COL4A4: variants seen among roughly 807,000 people sequenced by gnomAD.
The protein encoded by COL4A4 is collagen alpha-4(IV) chain.
Under a neutral mutation model 192.9 loss-of-function variants are expected in COL4A4, and 105 were observed. That is an observed-to-expected ratio of 0.54 (90% CI 0.46 to 0.64). The LOEUF (loss-of-function observed/expected upper bound fraction) is 0.64, where lower values mean the gene tolerates loss of function less well. Ranked by LOEUF, COL4A4 falls within the 30% of genes least tolerant of loss-of-function variation. The pLI is 0.00. For synonymous variants in COL4A4, 762 were observed against 769.9 expected (o/e 0.99, Z 0.17); for missense variants, 1,967 against 2,169.3 (o/e 0.91, Z 1.85).
At chr2:227,076,438 T>G (rs1375492659) in intron 25 of COL4A4, among the ~76,000 whole-genome samples, 2 of 152,188 alleles carry the variant, frequency 1.3e-5, no homozygotes, top group African/African-American at 2.4e-5. Flanking sequence ...GCTAGCCATA[T>G]GCAGAAAGCA....
intron 22 of COL4A4, among the ~76,000 whole-genome samples, chr2:227,083,354 A>G (rs2059421558): frequency 1.3e-5 from 2 of 152,198 alleles, no homozygotes. Context: ...TAATCAAAAA[A>G]CCACAGCAAA....
intron 1 of COL4A4, among the ~76,000 whole-genome samples, chr2:227,160,088 C>T (rs185091720): frequency 2.4e-4 from 37 of 152,150 alleles, no homozygotes; most frequent in Middle Eastern, 3.4e-3. Context: ...ATAGTAAATA[C>T]GAAGGTGTGA....
rs1961427736 is a variant in COL4A4, at chr2:227,003,347, A to C, written c.*3978T>G. 1 of 152,214 alleles carries C rather than the reference A, an allele frequency of 6.6e-6. No individual in the cohort carries two copies. The highest frequency in any genetic ancestry group is 2.4e-5 in the African/African-American group (1 of 41,452). The allele number at this position is 152,214 out of a possible 1,614,324, so 9.4% of individuals were successfully genotyped here. On this transcript the variant is annotated 3_prime_UTR_variant, in exon 48 of 48. Coordinates refer to ENST00000396625, the MANE Select transcript of COL4A4 (RefSeq NM_000092.5). ...AATTTTCAATGCAAGAGTAGCTGTT[A>C]TGTCCCACCGTATTAATGAGGGAAA...
Position 227,108,852 on chromosome 2 carries a change from G to T in COL4A4, c.674C>A (p.Pro225Gln), listed in dbSNP as rs2061010244. ...EPGLVGPPGQ[P>Q]GRPGLKGNPG... is the part of the protein sequence containing the mutation. ...GCCTACCTTCAAACCTGGACGCCCT[G>T]GTTGGCCCGGAGGTCCCTAAATCAA... The change falls in exon 11 of 48, where the codon CCA becomes CAA. Residue 225 changes from proline to glutamine, a missense_variant. By Grantham distance (76) the Pro-to-Gln change is moderately conservative. Transcript: ENST00000396625. 1 of 1,611,714 alleles carries T rather than the reference G, an allele frequency of 6.2e-7. No individual in the cohort carries two copies. Among genetic ancestry groups the T allele is most frequent in the African/African-American group, 1.3e-5 (1 of 74,840 alleles).
intron 29 of COL4A4, among the ~76,000 whole-genome samples, chr2:227,056,395 T>G (rs1225177417): frequency 6.6e-6 from 1 of 152,056 alleles, no homozygotes; most frequent in Non-Finnish European, 1.5e-5. Flanking sequence ...CAAACATGTA[T>G]TTGTATTTCC....
At chr2:227,130,060 G>T (rs2062346510) in intron 4 of COL4A4, among the ~76,000 whole-genome samples, 1 of 152,142 alleles carries the variant, frequency 6.6e-6, no homozygotes, top group South Asian at 2.1e-4. Context: ...CAGGAAAAAG[G>T]CCCGTTAGGT....
At chr2:227,028,722 C>T (rs1034523629) in intron 41 of COL4A4, among the ~76,000 whole-genome samples, 1 of 151,230 alleles carries the variant, frequency 6.6e-6, no homozygotes, top group African/African-American at 2.4e-5. Flanking sequence ...GTGGCACAAT[C>T]ATTGCTCACT....
In COL4A4 at chr2:227,089,933, G is replaced by A. The variant is rs200411532; in HGVS notation, c.1394C>T (p.Pro465Leu). ...TTTGCCTTTTATTCCTTGTGGTCCG[G>A]GGTTCCCAACACTACAGTATATCAC... ...SSVIYCSVGN[P>L]GPQGIKGKVG... is the part of the protein sequence containing the mutation. The change falls in exon 21 of 48, where the codon CCC (proline) becomes CTC (leucine). Residue 465 changes from proline (P) to leucine (L), a missense_variant. Pro to Leu is a moderately conservative substitution (Grantham distance 98). Coordinates refer to ENST00000396625, the MANE Select transcript of COL4A4 (RefSeq NM_000092.5). 8.3e-5 allele frequency: 134 copies of A among 1,613,406 alleles called. No individual in the cohort carries two copies. Among genetic ancestry groups the A allele is most frequent in the Non-Finnish European group, 1.1e-4 (131 of 1,179,702 alleles).
the COL4A4 span, among the ~76,000 whole-genome samples, chr2:226,980,541 C>T: frequency 4.6e-5 from 7 of 152,164 alleles, no homozygotes; most frequent in Admixed American, 1.3e-4. Flanking sequence ...AGACACCCCT[C>T]GTGTTCTGGA....
rs564527358 is a variant in COL4A4 at position 227,101,488 on chromosome 2, T to C, written c.1029+16A>G. On this transcript the variant is annotated intron_variant, in intron 17 of 47. Transcript: ENST00000396625. ...AAACTTTTATCAGGATATATTAAAATAGGCTCACTTTTTACCTTTGGGCCA... is the reference window on the plus strand; with the variant it reads ...AAACTTTTATCAGGATATATTAAAACAGGCTCACTTTTTACCTTTGGGCCA... The C allele has an allele frequency of 3.8e-6, 6 of 1,595,724 alleles. No homozygotes were observed. In the African/African-American group the frequency reaches 8.1e-5, roughly 22 times the overall value.
intron 16 of COL4A4, 76 bp from the exon 17 acceptor site, chr2:227,101,633 A>C (rs753333486): frequency 1.4e-6 from 2 of 1,409,738 alleles, no homozygotes; most frequent in Non-Finnish European, 2.0e-6. Flanking sequence ...ATTTAATTTA[A>C]GCAACACATT....
intron 22 of COL4A4, among the ~76,000 whole-genome samples, chr2:227,086,861 A>G (rs183474121): frequency 4.9e-4 from 75 of 152,376 alleles, no homozygotes; most frequent in Admixed American, 3.6e-3. Flanking sequence ...ATGCTTATGC[A>G]CATACATGCA....
intron 27 of COL4A4, 68 bp downstream of exon 27, chr2:227,060,068 G>T: frequency 1.1e-6 from 1 of 888,694 alleles, no homozygotes; most frequent in Non-Finnish European, 1.6e-6. Context: ...CGGTAGAAAT[G>T]TTAAAAAGTT....
At chr2:226,979,770 C>G in the COL4A4 span, among the ~76,000 whole-genome samples, 1 of 152,210 alleles carries the variant, frequency 6.6e-6, no homozygotes, top group Non-Finnish European at 1.5e-5. Flanking sequence ...CAGAAACACC[C>G]AGGAGCACTG....
In COL4A4 at chr2:227,105,654, CCATT is replaced by C. The variant is rs763159072; in HGVS notation, c.736-1606_736-1603del. ...ATTTTGCCACAATCATAAATTCTCACCATTAATTAGAAAATAAATATTTTGTGCT... is the reference window on the plus strand; with the variant it reads ...ATTTTGCCACAATCATAAATTCTCACAATTAGAAAATAAATATTTTGTGCT... On this transcript the variant is annotated intron_variant, in intron 12 of 47. Transcript: ENST00000396625. Among the ~76,000 whole-genome samples the C allele has an allele frequency of 5.3e-5, 8 of 152,240 alleles. No homozygotes were observed. The East Asian group carries it at 7.7e-4, about 15-fold the overall frequency.
At chr2:226,978,074 AT>A in the COL4A4 span, among the ~76,000 whole-genome samples, 1 of 151,990 alleles carries the variant, frequency 6.6e-6, no homozygotes, top group Non-Finnish European at 1.5e-5. Context: ...TACTGCCCTT[AT>A]TTTTTTCTAC....
In COL4A4 at chr2:227,144,510, A is replaced by C; in HGVS notation, c.114+6T>G. On this transcript the variant is annotated splice_donor_region_variant and intron_variant, in intron 3 of 47. Transcript: ENST00000396625. ...CAACGCAACCAGAGCTAGTGAATGT[A>C]CTTACCCCATATACATATTGTACAG... 6.2e-7 allele frequency: 1 copy of C among 1,608,388 alleles called. No individual in the cohort carries two copies. Among genetic ancestry groups the C allele is most frequent in the Non-Finnish European group, 8.5e-7 (1 of 1,174,966 alleles).
chr2:227,140,914 CACACA>C (rs2063163818), intron 3 of COL4A4, among the ~76,000 whole-genome samples: 1 of 150,926 alleles, frequency 6.6e-6, no homozygotes, highest in African/African-American at 2.5e-5. Context: ...CACACACACA[CACACA>C]CACCCTTTAG....
chr2:227,063,849 A>C lies in COL4A4; in HGVS notation c.1988-1251T>G, dbSNP rs565775406. ...GTATATAATATATATACATATATGT[A>C]ATTTTAATATAGTCAGATTGTATGA... On this transcript the variant is annotated intron_variant, in intron 25 of 47. Coordinates refer to ENST00000396625, the MANE Select transcript of COL4A4 (RefSeq NM_000092.5). Among the ~76,000 whole-genome samples the C allele has an allele frequency of 2.1e-3, 314 of 152,014 alleles. 3 individuals are homozygous for C. The highest frequency in any genetic ancestry group is 6.0e-3 in the South Asian group (29 of 4,826).
Sources: gnomAD v4.1 joint callset for allele counts (sites outside exome capture counted in the v4.1 genomes callset) on GRCh38, gnomAD v4.1.1 for gene constraint, MANE v1.5 for transcripts, NCBI Gene and HGNC (gene_info 2026-07-23, HGNC 2026-07-21) for gene names.